The following PACRG variants were observed in gnomAD, a reference collection of about 807,000 sequenced individuals.
The protein encoded by PACRG is parkin coregulated gene protein.
A neutral mutation model predicts 29.7 loss-of-function variants in PACRG; 29 were observed. That is an observed-to-expected ratio of 0.98 (90% confidence interval 0.73 to 1.33). PACRG has a LOEUF of 1.33. Ranked by LOEUF, PACRG falls within the 40% of genes most tolerant of loss-of-function variation. The pLI is 0.00. For missense variants in PACRG, 279 were observed against 316.2 expected (o/e 0.88, Z 0.89); for synonymous variants, 116 against 118.7 (o/e 0.98, Z 0.15).
intron 2 of PACRG, among the ~76,000 whole-genome samples, chr6:162,913,518 T>C (rs1796459379): frequency 6.6e-6 from 1 of 152,228 alleles, no homozygotes; most frequent in Admixed American, 6.5e-5. Context: ...ACTAAAAGCA[T>C]TCATGTACAA....
At position 162,930,394 on chromosome 6, in the gene PACRG, A is replaced by G. The variant is rs533411103; in HGVS notation, c.291+116113A>G. On this transcript the variant is annotated intron_variant, in intron 2 of 4. Transcript: ENST00000366888. ...CTTTCTTGATTTCTTTTTCAGATTGATTGCTTTTGACATATATAATTATGA... is the reference window on the plus strand; with the variant it reads ...CTTTCTTGATTTCTTTTTCAGATTGGTTGCTTTTGACATATATAATTATGA... Among the ~76,000 whole-genome samples the G allele has an allele frequency of 6.5e-4, 99 of 151,680 alleles. 2 individuals carry two copies. The South Asian group carries it at 0.02, about 30-fold the overall frequency.
intron 4 of PACRG, among the ~76,000 whole-genome samples, chr6:163,301,867 A>G (rs560529851): frequency 6.6e-6 from 1 of 152,296 alleles, no homozygotes; most frequent in Admixed American, 6.5e-5. Flanking sequence ...TTACAGATGG[A>G]TATTATTTCC....
chr6:162,999,801 T>C (rs570172268), intron 2 of PACRG, among the ~76,000 whole-genome samples: 1 of 152,382 alleles, frequency 6.6e-6, no homozygotes, highest in South Asian at 2.1e-4. Flanking sequence ...TGAAATATCA[T>C]TAATCCTGGT....
intron 4 of PACRG, among the ~76,000 whole-genome samples, chr6:163,230,409 A>G (rs1246951810): frequency 6.6e-6 from 1 of 152,222 alleles, no homozygotes. Flanking sequence ...TTTAATGGAC[A>G]AAACATCCGA....
At chr6:163,072,041 CA>C (rs34278585) in intron 3 of PACRG, among the ~76,000 whole-genome samples, 103,508 of 150,016 alleles carry the variant, frequency 0.69, 35,763 homozygotes, top group Admixed American at 0.73. Flanking sequence ...AAACTATTCC[CA>C]AAAAAAAAAT....
At chr6:163,041,540 C>T (rs988768504) in intron 2 of PACRG, among the ~76,000 whole-genome samples, 1 of 152,074 alleles carries the variant, frequency 6.6e-6, no homozygotes, top group Non-Finnish European at 1.5e-5. Flanking sequence ...TTCCCCTTAG[C>T]CTTCTGCCAT....
chr6:162,806,504 G>C (rs1045734071), intron 1 of PACRG, among the ~76,000 whole-genome samples: 11 of 152,036 alleles, frequency 7.2e-5, no homozygotes, highest in African/African-American at 2.7e-4. Flanking sequence ...TGTAAGCAGG[G>C]ATGAAAACAA....
chr6:163,009,015 T>G (rs1306787366), intron 2 of PACRG, among the ~76,000 whole-genome samples: 9 of 152,172 alleles, frequency 5.9e-5, no homozygotes, highest in African/African-American at 1.9e-4. Context: ...TAAGATCCTT[T>G]CCAGATCCAA....
chr6:163,291,981 A>T (rs1784624860), intron 4 of PACRG, among the ~76,000 whole-genome samples: 1 of 152,236 alleles, frequency 6.6e-6, no homozygotes, highest in South Asian at 2.1e-4. Context: ...TATTCAACAG[A>T]TAATGGTACA....
At chr6:163,068,846 T>C (rs915496425) in intron 3 of PACRG, among the ~76,000 whole-genome samples, 2 of 152,166 alleles carry the variant, frequency 1.3e-5, no homozygotes, top group African/African-American at 4.8e-5. Flanking sequence ...TCTGTGAATA[T>C]TTATTATAGA....
chr6:163,311,438 T>G (rs958407746), intron 4 of PACRG, among the ~76,000 whole-genome samples: 3 of 152,254 alleles, frequency 2.0e-5, no homozygotes, highest in African/African-American at 7.2e-5. Context: ...TAATGTCCTA[T>G]TCTCACAAAC....
chr6:163,012,644 T>C (rs1805720785), intron 2 of PACRG, among the ~76,000 whole-genome samples: 1 of 152,254 alleles, frequency 6.6e-6, no homozygotes, highest in Non-Finnish European at 1.5e-5. Flanking sequence ...ATGCACCCTC[T>C]GGAGCTGTGC....
At chr6:162,896,186 G>A (rs1427088868) in intron 2 of PACRG, among the ~76,000 whole-genome samples, 8 of 152,160 alleles carry the variant, frequency 5.3e-5, no homozygotes, top group Admixed American at 1.3e-4. Flanking sequence ...ATTCACAAAC[G>A]TGAGATCGTT....
At chr6:163,241,406 C>T (rs981494451) in intron 4 of PACRG, among the ~76,000 whole-genome samples, 3 of 152,188 alleles carry the variant, frequency 2.0e-5, no homozygotes, top group Non-Finnish European at 2.9e-5. Context: ...ATGTTCATTT[C>T]GCTTTTAACA....
At chr6:163,250,305 C>T (rs1782852442) in intron 4 of PACRG, among the ~76,000 whole-genome samples, 1 of 152,220 alleles carries the variant, frequency 6.6e-6, no homozygotes, top group South Asian at 2.1e-4. Context: ...ATTTTTCCTT[C>T]CCGCTGATTG....
chr6:163,135,120 C>A (rs1055168512), intron 4 of PACRG, among the ~76,000 whole-genome samples: 2 of 151,962 alleles, frequency 1.3e-5, no homozygotes, highest in Admixed American at 1.3e-4. Context: ...CATTCTTCAA[C>A]ACGCTTTCTT....
chr6:163,110,802 C>G (rs901059094), intron 4 of PACRG, among the ~76,000 whole-genome samples: 2 of 152,192 alleles, frequency 1.3e-5, no homozygotes, highest in Non-Finnish European at 2.9e-5. Flanking sequence ...AAGCAAACAC[C>G]GCCTCTTGAA....
intron 4 of PACRG, among the ~76,000 whole-genome samples, chr6:163,286,141 T>C (rs1784394464): frequency 6.6e-6 from 1 of 152,232 alleles, no homozygotes; most frequent in South Asian, 2.1e-4. Flanking sequence ...TTATAGTCCA[T>C]GTCTTTTGGA....
intron 4 of PACRG, among the ~76,000 whole-genome samples, chr6:163,202,137 G>T (rs6922278): frequency 6.6e-6 from 1 of 151,960 alleles, no homozygotes; most frequent in African/African-American, 2.4e-5. Flanking sequence ...GTCCTGTCCC[G>T]GCCGGCTGCT....
Sources: gnomAD v4.1 joint callset for allele counts (sites outside exome capture counted in the v4.1 genomes callset) on GRCh38, gnomAD v4.1.1 for gene constraint, MANE v1.5 for transcripts, NCBI Gene and HGNC (gene_info 2026-07-23, HGNC 2026-07-21) for gene names.